DAAM1: variants seen among roughly 807,000 people sequenced by gnomAD.
DAAM1 encodes the protein dishevelled associated activator of morphogenesis 1.
In DAAM1, 52 loss-of-function variants were observed where a neutral mutation model predicts 130.0. The observed-to-expected ratio is 0.40, with a 90% CI of 0.32 to 0.50. The LOEUF (loss-of-function observed/expected upper bound fraction) is 0.50. DAAM1 is among the 20% of genes least tolerant of loss of function. The pLI is 0.61. For missense variants in DAAM1, 1,134 were observed against 1,303.8 expected, an observed-to-expected ratio of 0.87 and a Z score of 2.01; for synonymous variants, 452 against 444.5, an observed-to-expected ratio of 1.02 and a Z score of -0.21.
intron 1 of DAAM1, among the ~76,000 whole-genome samples, chr14:59,256,905 T>C (rs1269440169): frequency 6.6e-6 from 1 of 152,238 alleles, no homozygotes; most frequent in Non-Finnish European, 1.5e-5. Context: ...GAATATTTTC[T>C]TGGGCAAAAT....
In DAAM1 at chr14:59,331,984, G is replaced by A. The variant is rs1885461352; in HGVS notation, c.1968+64G>A. 9 of 1,398,244 alleles carry A rather than the reference G, an allele frequency of 6.4e-6. No homozygotes were observed. The South Asian group carries it at 9.6e-5, about 15-fold the overall frequency. 86.6% of individuals were successfully genotyped at this position (1,398,244 alleles called of 1,614,324 possible). On this transcript the variant is annotated intron_variant, in intron 15 of 24. Coordinates refer to ENST00000360909, the MANE Select transcript of DAAM1 (RefSeq NM_001270520.2). ...AAATCATGTCTTATGCATGATCTCT[G>A]GCCCATCAGCCATGGCCGTGATGTG...
chr14:59,337,703 G>C (rs1322093250), intron 15 of DAAM1, among the ~76,000 whole-genome samples: 1 of 152,106 alleles, frequency 6.6e-6, no homozygotes, highest in African/African-American at 2.4e-5. Flanking sequence ...ACAGTCCTGG[G>C]GCAGTTAGGA....
intron 11 of DAAM1, 49 bp downstream of exon 11, chr14:59,326,697 G>C: frequency 1.9e-6 from 3 of 1,595,312 alleles, no homozygotes; most frequent in Middle Eastern, 1.7e-4. Context: ...GACAATGTAA[G>C]ATATTTATTT....
intron 2 of DAAM1, among the ~76,000 whole-genome samples, chr14:59,289,167 G>A (rs977731316): frequency 2.0e-5 from 3 of 151,972 alleles, no homozygotes; most frequent in East Asian, 1.9e-4. Context: ...TGCCCGCCTC[G>A]GCCTCCTAAA....
intron 2 of DAAM1, among the ~76,000 whole-genome samples, chr14:59,275,008 A>G (rs1044424492): frequency 6.6e-6 from 1 of 152,198 alleles, no homozygotes; most frequent in African/African-American, 2.4e-5. Context: ...TTTTGACCCA[A>G]TTAAAGCTTT....
chr14:59,309,721 T>C (rs916238319), intron 3 of DAAM1, among the ~76,000 whole-genome samples: 1 of 152,234 alleles, frequency 6.6e-6, no homozygotes, highest in African/African-American at 2.4e-5. Flanking sequence ...TTGCGACCCT[T>C]GGTTGTTCCA....
intron 2 of DAAM1, among the ~76,000 whole-genome samples, chr14:59,281,305 C>T (rs1388578551): frequency 6.6e-6 from 1 of 152,120 alleles, no homozygotes; most frequent in African/African-American, 2.4e-5. Context: ...CAGGGGGACC[C>T]CTTGCCCTTG....
At chr14:59,288,964 T>TG (rs1293912221) in intron 2 of DAAM1, among the ~76,000 whole-genome samples, 2 of 152,186 alleles carry the variant, frequency 1.3e-5, no homozygotes, top group Non-Finnish European at 2.9e-5. Flanking sequence ...TCACCCAGGC[T>TG]GGAGTGCAGT....
At chr14:59,296,477 A>T (rs1883959018) in intron 3 of DAAM1, among the ~76,000 whole-genome samples, 1 of 152,206 alleles carries the variant, frequency 6.6e-6, no homozygotes, top group African/African-American at 2.4e-5. Flanking sequence ...AGGATTAAAA[A>T]AATAAGCCAA....
At chr14:59,344,175 A>G (rs1205208416) in intron 16 of DAAM1, among the ~76,000 whole-genome samples, 7 of 152,194 alleles carry the variant, frequency 4.6e-5, no homozygotes. Context: ...TTAGCACAGC[A>G]GCCTGGGTGT....
intron 1 of DAAM1, among the ~76,000 whole-genome samples, chr14:59,234,066 A>G (rs758641834): frequency 1.3e-5 from 2 of 152,198 alleles, no homozygotes; most frequent in African/African-American, 4.8e-5. Context: ...AGGTAGCATG[A>G]TGCCTCCAGC....
chr14:59,344,494 T>C (rs565555861), intron 16 of DAAM1, among the ~76,000 whole-genome samples: 11 of 152,328 alleles, frequency 7.2e-5, no homozygotes, highest in Non-Finnish European at 1.6e-4. Context: ...AGAGACTGAT[T>C]CTGTGGATGA....
intron 22 of DAAM1, chr14:59,362,360 C>T (rs150859691): frequency 3.3e-5 from 5 of 152,108 alleles, no homozygotes; most frequent in Non-Finnish European, 7.3e-5. Context: ...GGCAGAGCTT[C>T]GCCTGGCCAA....
chr14:59,294,103 T>G (rs1883857748), intron 3 of DAAM1, among the ~76,000 whole-genome samples: 1 of 152,100 alleles, frequency 6.6e-6, no homozygotes, highest in Admixed American at 6.5e-5. Context: ...TCACACATAG[T>G]AAAGTCATAG....
At chr14:59,329,592 T>G (rs1186294399) in intron 12 of DAAM1, among the ~76,000 whole-genome samples, 1 of 152,194 alleles carries the variant, frequency 6.6e-6, no homozygotes, top group Non-Finnish European at 1.5e-5. Flanking sequence ...TCTAGTGGAT[T>G]TATTGATATA....
chr14:59,210,845 T>C (rs1888405153), intron 1 of DAAM1, among the ~76,000 whole-genome samples: 1 of 152,192 alleles, frequency 6.6e-6, no homozygotes, highest in African/African-American at 2.4e-5. Context: ...GGTAGAACAA[T>C]GAAATAATCC....
chr14:59,238,288 C>A (rs1285519439), intron 1 of DAAM1, among the ~76,000 whole-genome samples: 1 of 152,014 alleles, frequency 6.6e-6, no homozygotes, highest in Non-Finnish European at 1.5e-5. Flanking sequence ...TCTAAAGCCT[C>A]ATTCATATTT....
intron 3 of DAAM1, among the ~76,000 whole-genome samples, chr14:59,305,299 A>G (rs1450979806): frequency 2.0e-5 from 3 of 152,220 alleles, no homozygotes; most frequent in Non-Finnish European, 2.9e-5. Context: ...GCCTGCCTGC[A>G]GGGGAATGTG....
chr14:59,303,666 G>C (rs181028727), intron 3 of DAAM1, among the ~76,000 whole-genome samples: 112 of 152,258 alleles, frequency 7.4e-4, no homozygotes, highest in African/African-American at 2.3e-3. Context: ...GGGGGCCAAG[G>C]TGGGTGGATC....
Sources: gnomAD v4.1 joint callset for allele counts (sites outside exome capture counted in the v4.1 genomes callset) on GRCh38, gnomAD v4.1.1 for gene constraint, MANE v1.5 for transcripts, NCBI Gene and HGNC (gene_info 2026-07-23, HGNC 2026-07-21) for gene names.